The following SYNDIG1 variants were observed in gnomAD, a reference collection of about 807,000 sequenced individuals.
The protein encoded by SYNDIG1 is synapse differentiation inducing 1.
In SYNDIG1, 9 loss-of-function variants were observed where a neutral mutation model predicts 19.4. The ratio of observed to expected loss-of-function variants is 0.46; its 90% CI spans 0.28 to 0.81. The LOEUF (loss-of-function observed/expected upper bound fraction) is 0.81. SYNDIG1 is among the 30% of genes least tolerant of loss of function. The pLI is 0.12. For synonymous variants in SYNDIG1, 141 were observed against 145.9 expected (o/e 0.97, Z 0.24); for missense variants, 311 against 343.3 (o/e 0.91, Z 0.74).
intron 1 of SYNDIG1, among the ~76,000 whole-genome samples, chr20:24,516,200 A>G (rs2056859256): frequency 6.6e-6 from 1 of 151,916 alleles, no homozygotes; most frequent in Non-Finnish European, 1.5e-5. Flanking sequence ...AAGAGGGATT[A>G]AAATGCTAGA....
At chr20:24,582,976 C>T (rs765918802) in intron 2 of SYNDIG1, among the ~76,000 whole-genome samples, 55 of 152,100 alleles carry the variant, frequency 3.6e-4, no homozygotes, top group Non-Finnish European at 2.1e-4. Flanking sequence ...TGTTGGGGGG[C>T]GAGTAAACAG....
At chr20:24,518,805 A>G (rs1381960143) in intron 1 of SYNDIG1, among the ~76,000 whole-genome samples, 1 of 152,200 alleles carries the variant, frequency 6.6e-6, no homozygotes, top group Non-Finnish European at 1.5e-5. Flanking sequence ...TCTTCAAAAC[A>G]TAAAATAATT....
chr20:24,604,040 T>TAATCATC (rs1282851647), intron 3 of SYNDIG1, among the ~76,000 whole-genome samples: 3 of 152,258 alleles, frequency 2.0e-5, no homozygotes, highest in Admixed American at 2.0e-4. Flanking sequence ...ATCATTTATC[T>TAATCATC]TACCAAAACA....
intron 1 of SYNDIG1, among the ~76,000 whole-genome samples, chr20:24,520,326 G>A (rs1332219547): frequency 6.6e-6 from 1 of 151,856 alleles, no homozygotes; most frequent in African/African-American, 2.4e-5. Flanking sequence ...TACTAAATTT[G>A]TAGATTGTAA....
chr20:24,539,289 G>T (rs1336869341), intron 1 of SYNDIG1, among the ~76,000 whole-genome samples: 2 of 152,154 alleles, frequency 1.3e-5, no homozygotes, highest in Non-Finnish European at 1.5e-5. Context: ...GTTAGGTAAG[G>T]GTTCAACTTC....
Position 24,665,640 on chromosome 20 carries a change from G to A in SYNDIG1, c.*136G>A, listed in dbSNP as rs1004078006. 7.7e-6 allele frequency: 10 copies of A among 1,297,840 alleles called. No homozygotes were observed. Among genetic ancestry groups the A allele is most frequent in the African/African-American group, 7.6e-5 (5 of 65,896 alleles). The allele number at this position is 1,297,840 out of a possible 1,614,324, so 80.4% of individuals were successfully genotyped here. On this transcript the variant is annotated 3_prime_UTR_variant, in exon 4 of 4. Coordinates refer to ENST00000376862, the MANE Select transcript of SYNDIG1 (RefSeq NM_024893.3). ...GAAGCCCTGGGATTTCCTACCCATG[G>A]ATTTATTTTGTTTTTATCCTTTAAT...
rs570095540 is a variant in SYNDIG1, at chr20:24,638,709, T to C, written c.619-26637T>C. 6.6e-5 allele frequency among the ~76,000 whole-genome samples: 10 copies of C among 152,292 alleles called. No homozygotes were observed. In the South Asian group the frequency reaches 1.9e-3, roughly 28 times the overall value. ...ATTGGATGAATATCTGTGAATGTGA[T>C]TGCTACTGAAAACAAACAAAAAAAG... On this transcript the variant is annotated intron_variant, in intron 3 of 3. Transcript: ENST00000376862.
At chr20:24,664,685 G>C (rs923920214) in intron 3 of SYNDIG1, among the ~76,000 whole-genome samples, 1 of 152,170 alleles carries the variant, frequency 6.6e-6, no homozygotes, top group Non-Finnish European at 1.5e-5. Context: ...TGTTAGTTTT[G>C]TATCAAATGA....
intron 2 of SYNDIG1, among the ~76,000 whole-genome samples, chr20:24,584,386 G>A (rs2058378225): frequency 6.6e-6 from 1 of 152,198 alleles, no homozygotes; most frequent in Non-Finnish European, 1.5e-5. Flanking sequence ...AGAAAAACGC[G>A]CCTGGACTAT....
intron 2 of SYNDIG1, among the ~76,000 whole-genome samples, chr20:24,576,770 C>T (rs539911975): frequency 4.5e-4 from 69 of 152,126 alleles, no homozygotes; most frequent in Non-Finnish European, 1.0e-3. Flanking sequence ...TCCATGGCCC[C>T]CTGTCTCCTC....
intron 2 of SYNDIG1, among the ~76,000 whole-genome samples, chr20:24,566,522 G>A (rs775157224): frequency 1.3e-5 from 2 of 152,212 alleles, no homozygotes; most frequent in African/African-American, 2.4e-5. Context: ...GGTGTACACC[G>A]TGGTCTTAAT....
At chr20:24,479,684 G>A (rs986673118) in intron 1 of SYNDIG1, among the ~76,000 whole-genome samples, 11 of 152,200 alleles carry the variant, frequency 7.2e-5, no homozygotes, top group African/African-American at 2.2e-4. Flanking sequence ...CTCATCTCTT[G>A]CCAGATCATC....
chr20:24,528,691 A>G (rs1402225165), intron 1 of SYNDIG1, among the ~76,000 whole-genome samples: 1 of 152,212 alleles, frequency 6.6e-6, no homozygotes, highest in Admixed American at 6.5e-5. Flanking sequence ...TCTTAATGCC[A>G]TCACCTCAGG....
At chr20:24,543,668 G>A in intron 2 of SYNDIG1, 91 bp downstream of exon 2, 1 of 1,519,416 alleles carries the variant, frequency 6.6e-7, no homozygotes, top group Non-Finnish European at 8.8e-7. Flanking sequence ...CAAAAGTTAG[G>A]GAATGAAACT....
At chr20:24,492,085 C>G (rs1600421364) in intron 1 of SYNDIG1, among the ~76,000 whole-genome samples, 1 of 152,202 alleles carries the variant, frequency 6.6e-6, no homozygotes, top group Non-Finnish European at 1.5e-5. Flanking sequence ...AGGCCCCCGG[C>G]CGGCTCCGTG....
At chr20:24,492,044 G>C (rs368064660) in intron 1 of SYNDIG1, among the ~76,000 whole-genome samples, 1 of 152,230 alleles carries the variant, frequency 6.6e-6, no homozygotes, top group African/African-American at 2.4e-5. Flanking sequence ...CGCCTGCTGA[G>C]AGGACCCCAC....
intron 3 of SYNDIG1, among the ~76,000 whole-genome samples, chr20:24,589,993 G>A (rs1395105914): frequency 2.0e-5 from 3 of 152,166 alleles, no homozygotes; most frequent in African/African-American, 7.2e-5. Flanking sequence ...ACCAAATCCC[G>A]CTTGTCAGAG....
intron 3 of SYNDIG1, among the ~76,000 whole-genome samples, chr20:24,626,699 C>T (rs1476640239): frequency 6.6e-6 from 1 of 152,244 alleles, no homozygotes; most frequent in African/African-American, 2.4e-5. Context: ...GCTGCAATCT[C>T]GGCACTTTGG....
chr20:24,617,528 T>C (rs545065151), intron 3 of SYNDIG1, among the ~76,000 whole-genome samples: 4 of 152,312 alleles, frequency 2.6e-5, no homozygotes, highest in Non-Finnish European at 5.9e-5. Context: ...CGGGTGCTCC[T>C]GAGAACTCGA....
Sources: gnomAD v4.1 joint callset for allele counts (sites outside exome capture counted in the v4.1 genomes callset) on GRCh38, gnomAD v4.1.1 for gene constraint, MANE v1.5 for transcripts, NCBI Gene and HGNC (gene_info 2026-07-23, HGNC 2026-07-21) for gene names.